The following WNK1 variants were observed in gnomAD, a reference collection of about 807,000 sequenced individuals.
WNK1 encodes serine/threonine-protein kinase WNK1.
Under a neutral mutation model 222.8 loss-of-function variants are expected in WNK1, and 38 were observed. The ratio of observed to expected loss-of-function variants is 0.17; its 90% confidence interval spans 0.13 to 0.22. The LOEUF (loss-of-function observed/expected upper bound fraction) is 0.22. Among genes scored for constraint, WNK1 ranks in the 10% least tolerant of loss-of-function variants. WNK1 has a pLI of 1.00. For missense variants in WNK1, 2,348 were observed against 2,918.4 expected (o/e 0.80, Z 4.50); for synonymous variants, 1,090 against 1,092.9 (o/e 1.00, Z 0.05).
intron 1 of WNK1, among the ~76,000 whole-genome samples, chr12:777,079 G>A (rs1312605877): frequency 6.6e-6 from 1 of 150,394 alleles, no homozygotes; most frequent in Non-Finnish European, 1.5e-5. Context: ...GATGTGCAGT[G>A]TTAACTTTTT....
Position 829,987 on chromosome 12 carries a change from G to C in WNK1, c.1154-16G>C. On this transcript the variant is annotated splice_polypyrimidine_tract_variant and intron_variant, in intron 3 of 27. Transcript: ENST00000315939. ...CTTCTGCTCGCATTGAGTCTGAATC[G>C]TTCTTTTAATTTAAGGTACCCCAGA... The C allele has an allele frequency of 6.2e-7, 1 of 1,613,872 alleles. No individual in the cohort carries two copies. The highest frequency in any genetic ancestry group is 8.5e-7 in the Non-Finnish European group (1 of 1,179,930).
chr12:883,372 C>G (rs761115922), intron 15 of WNK1, 23 bp from the exon 16 acceptor site: 3 of 1,613,740 alleles, frequency 1.9e-6, no homozygotes, highest in Non-Finnish European at 2.5e-6. Context: ...ACTAATTAGA[C>G]TGACATCACA....
intron 4 of WNK1, among the ~76,000 whole-genome samples, chr12:852,604 A>G (rs1950499439): frequency 6.6e-6 from 1 of 152,136 alleles, no homozygotes; most frequent in African/African-American, 2.4e-5. Context: ...TAGTAACCCA[A>G]TTTATCTAGC....
At chr12:808,321 G>T (rs1946571302) in intron 1 of WNK1, among the ~76,000 whole-genome samples, 1 of 151,732 alleles carries the variant, frequency 6.6e-6, no homozygotes, top group Admixed American at 6.6e-5. Context: ...ACGGGGTTTT[G>T]CTATGTTGTA....
chr12:860,507 TTTAA>T (rs531944286), intron 6 of WNK1, among the ~76,000 whole-genome samples: 3 of 152,216 alleles, frequency 2.0e-5, no homozygotes, highest in Non-Finnish European at 4.4e-5. Flanking sequence ...GTTACTTATG[TTTAA>T]TTGTTAGCTG....
At chr12:841,274 A>G (rs894831702) in intron 4 of WNK1, among the ~76,000 whole-genome samples, 1 of 151,988 alleles carries the variant, frequency 6.6e-6, no homozygotes, top group Non-Finnish European at 1.5e-5. Flanking sequence ...CTCCTCTCCA[A>G]CCCATCCCCT....
intron 20 of WNK1, 134 bp downstream of exon 20, chr12:887,438 T>G (rs72650742): frequency 1.2e-6 from 1 of 829,894 alleles, no homozygotes; most frequent in East Asian, 2.6e-5. Flanking sequence ...TAAAATGTTA[T>G]AACCAATGAC....
chr12:872,145 T>G (rs2154075136), intron 9 of WNK1, among the ~76,000 whole-genome samples: 1 of 151,960 alleles, frequency 6.6e-6, no homozygotes, highest in South Asian at 2.1e-4. Flanking sequence ...TTATTTATTT[T>G]GAGACAGCCT....
intron 8 of WNK1, among the ~76,000 whole-genome samples, chr12:870,351 C>A (rs1219892126): frequency 6.6e-6 from 1 of 152,010 alleles, no homozygotes; most frequent in East Asian, 1.9e-4. Flanking sequence ...TAAAAAATAC[C>A]AGGTAGTTAA....
chr12:903,228 A>G lies in WNK1; in HGVS notation c.6643+2558A>G, dbSNP rs538077866. 3.3e-5 allele frequency among the ~76,000 whole-genome samples: 5 copies of G among 152,304 alleles called. No individual in the cohort carries two copies. The South Asian group carries it at 1.0e-3, about 32-fold the overall frequency. ...TAGCTGTACTTGAGAGGCAGTCTTT[A>G]CTGACTTTCCCCACATGCACTAGTC... is the stretch of plus-strand genomic sequence containing the variant. On this transcript the variant is annotated intron_variant, in intron 26 of 27. Transcript: ENST00000315939.
At chr12:851,812 G>A in intron 4 of WNK1, 4 of 1,305,412 alleles carry the variant, frequency 3.1e-6, no homozygotes, top group Middle Eastern at 2.2e-4. Flanking sequence ...ATATGTAACA[G>A]TTTATATTGT....
Position 907,836 on chromosome 12 carries a change from G to A in WNK1, c.6644-11G>A, listed in dbSNP as rs1159525388. The A allele has an allele frequency of 6.2e-7, 1 of 1,613,070 alleles. No homozygotes were observed. Among genetic ancestry groups the A allele is most frequent in the East Asian group, 2.2e-5 (1 of 44,882 alleles). On this transcript the variant is annotated splice_polypyrimidine_tract_variant and intron_variant, in intron 26 of 27. Transcript: ENST00000315939. ...CTTCTTTTAATGCTCGTATTCTGTT[G>A]CTTATAATAGGAACCAGCAGCACAA... is the stretch of plus-strand genomic sequence containing the variant.
At position 890,437 on chromosome 12, in the gene WNK1, T is replaced by C; in HGVS notation, c.5449-16T>C. 1 of 1,614,092 alleles carries C rather than the reference T, an allele frequency of 6.2e-7. No individual in the cohort carries two copies. Among genetic ancestry groups the C allele is most frequent in the South Asian group, 1.1e-5 (1 of 91,066 alleles). On this transcript the variant is annotated splice_polypyrimidine_tract_variant and intron_variant, in intron 21 of 27. Coordinates refer to ENST00000315939, the MANE Select transcript of WNK1 (RefSeq NM_018979.4). ...AAGCTAAAGATTTGTGGTGTCTGTC[T>C]GTGTGTGTTTTACAGCCTGTGTCCA... is the stretch of plus-strand genomic sequence containing the variant.
Position 753,445 on chromosome 12 carries a change from C to A in WNK1, c.-121C>A. 1 of 1,344,228 alleles carries A rather than the reference C, an allele frequency of 7.4e-7. No individual in the cohort carries two copies. The highest frequency in any genetic ancestry group is 1.0e-6 in the Non-Finnish European group (1 of 977,740). The allele number at this position is 1,344,228 out of a possible 1,614,324, so 83.3% of individuals were successfully genotyped here. A position where few individuals can be genotyped will look rare whatever the true frequency, so the allele number is the denominator to read the frequency against. ...TGTCGGTGCTGAGTGAGGCGTCGTC[C>A]GGGTCGGCGCGAACCCGCCCGGCCG... On this transcript the variant is annotated 5_prime_UTR_variant, in exon 1 of 28. Transcript: ENST00000315939. The surrounding 1 kb of genome is among the most constrained non-coding windows in gnomAD (Gnocchi z 5.2).
At chr12:907,803 AAC>A in intron 26 of WNK1, 42 bp from the exon 27 acceptor site, 1 of 1,609,744 alleles carries the variant, frequency 6.2e-7, no homozygotes, top group African/African-American at 1.3e-5. Flanking sequence ...CTGAAATTGT[AAC>A]CTAGGCTTCT....
rs530005542 is a variant in WNK1 at position 837,572 on chromosome 12, TAAAAAAAAAA to T, written c.1311+7423_1311+7432del. ...CTGGGTGACAGAGTGAGACCCTGTC[TAAAAAAAAAA>T]AAAAAAAAAAGAAAAGAAAAGAAAA... On this transcript the variant is annotated intron_variant, in intron 4 of 27. Coordinates refer to ENST00000315939, the MANE Select transcript of WNK1 (RefSeq NM_018979.4). 1.2e-3 allele frequency among the ~76,000 whole-genome samples: 144 copies of T among 123,668 alleles called. 2 individuals carry two copies. The highest frequency in any genetic ancestry group is 9.0e-3 in the South Asian group (36 of 3,982). 81.1% of individuals were successfully genotyped at this position (123,668 alleles called of 152,430 possible). A position where few individuals can be genotyped will look rare whatever the true frequency, so the allele number is the denominator to read the frequency against.
chr12:792,820 T>G (rs1944969945), intron 1 of WNK1, among the ~76,000 whole-genome samples: 1 of 152,066 alleles, frequency 6.6e-6, no homozygotes, highest in South Asian at 2.1e-4. Flanking sequence ...TGTACTCACA[T>G]TAAAAAAAAT....
intron 1 of WNK1, among the ~76,000 whole-genome samples, chr12:809,740 T>C (rs1946736944): frequency 1.3e-5 from 2 of 152,338 alleles, no homozygotes; most frequent in Admixed American, 6.5e-5. Context: ...TTATACCATA[T>C]AGGCCTATGA....
intron 9 of WNK1, among the ~76,000 whole-genome samples, chr12:872,238 G>A (rs1418888915): frequency 6.6e-5 from 10 of 152,096 alleles, no homozygotes; most frequent in South Asian, 2.1e-4. Context: ...CTATTCTCAC[G>A]CCTCAGCCGC....
Sources: gnomAD v4.1 joint callset for allele counts (sites outside exome capture counted in the v4.1 genomes callset) on GRCh38, gnomAD v4.1.1 for gene constraint, Gnocchi (gnomAD v3.1) non-coding constraint, MANE v1.5 for transcripts, NCBI Gene and HGNC (gene_info 2026-07-23, HGNC 2026-07-21) for gene names.